NUFIP1: variants seen among roughly 807,000 people sequenced by gnomAD.
The protein encoded by NUFIP1 is nuclear FMR1 interacting protein 1.
NUFIP1 carries 38 observed loss-of-function variants against 56.2 expected under a neutral mutation model. The observed-to-expected ratio is 0.68, with a 90% CI of 0.52 to 0.89. NUFIP1 has a LOEUF of 0.89. Among genes scored for constraint, NUFIP1 ranks in the 40% least tolerant of loss-of-function variants. The pLI, the probability that NUFIP1 is intolerant of heterozygous loss-of-function variation, is 0.00. For missense variants in NUFIP1, 567 were observed against 605.8 expected, an observed-to-expected ratio of 0.94 and a Z score of 0.67; for synonymous variants, 215 against 212.4, an observed-to-expected ratio of 1.01 and a Z score of -0.10.
intron 6 of NUFIP1, among the ~76,000 whole-genome samples, chr13:44,964,045 G>A (rs987993509): frequency 7.9e-5 from 12 of 152,144 alleles, no homozygotes; most frequent in African/African-American, 2.9e-4. Context: ...TAATTCATAT[G>A]TGAAAAAGTT....
At chr13:44,954,015 G>A (rs147763004) in intron 7 of NUFIP1, among the ~76,000 whole-genome samples, 36 of 151,880 alleles carry the variant, frequency 2.4e-4, no homozygotes, top group Admixed American at 8.5e-4. Flanking sequence ...ATCTTAAAAA[G>A]AAAGAAAGAA....
intron 5 of NUFIP1, among the ~76,000 whole-genome samples, chr13:44,978,487 T>A (rs1437024540): frequency 6.6e-6 from 1 of 152,200 alleles, no homozygotes; most frequent in African/African-American, 2.4e-5. Flanking sequence ...GATGAAGTGT[T>A]CTAGTATTTT....
At chr13:44,983,410 C>G (rs1175976868) in intron 1 of NUFIP1, among the ~76,000 whole-genome samples, 3 of 151,906 alleles carry the variant, frequency 2.0e-5, no homozygotes, top group Non-Finnish European at 4.4e-5. Context: ...CTCCTGACCT[C>G]AAGTGATCCA....
Position 44,943,439 on chromosome 13 carries a change from T to A in NUFIP1, c.1371+3A>T. 1 of 1,609,850 alleles carries A rather than the reference T, an allele frequency of 6.2e-7. No homozygotes were observed. Among genetic ancestry groups the A allele is most frequent in the South Asian group, 1.1e-5 (1 of 90,764 alleles). On this transcript the variant is annotated splice_donor_region_variant and intron_variant, in intron 9 of 9. Coordinates refer to ENST00000379161, the MANE Select transcript of NUFIP1 (RefSeq NM_012345.3). ...GATTAGAACCTAAAGAAAAATAATT[T>A]ACCATTTCCAAGAGATATGGATGGT...
At chr13:44,949,492 C>T (rs1242075241) in intron 8 of NUFIP1, among the ~76,000 whole-genome samples, 5 of 152,148 alleles carry the variant, frequency 3.3e-5, no homozygotes, top group African/African-American at 9.7e-5. Context: ...TGAGCCACCG[C>T]GCCCGGCCTA....
chr13:44,985,327 C>CA (rs1227086095), intron 1 of NUFIP1, among the ~76,000 whole-genome samples: 1 of 152,036 alleles, frequency 6.6e-6, no homozygotes, highest in East Asian at 1.9e-4. Context: ...AATTGTTTGG[C>CA]AAAAAAACTT....
chr13:44,943,390 ATCTT>A (rs1870811474), intron 9 of NUFIP1, 48 bp downstream of exon 9: 2 of 1,493,908 alleles, frequency 1.3e-6, no homozygotes, highest in Admixed American at 3.4e-5. Flanking sequence ...CAGTGGCTCT[ATCTT>A]TATGATGTGA....
In NUFIP1 at chr13:44,979,238, T is replaced by C; in HGVS notation, c.686A>G (p.Lys229Arg). 1 of 1,613,642 alleles carries C rather than the reference T, an allele frequency of 6.2e-7. No individual in the cohort carries two copies. Among genetic ancestry groups the C allele is most frequent in the Admixed American group, 1.7e-5 (1 of 59,840 alleles). ...NMHAPGMKKI[K>R]LDTPEEIARW... Reference sequence around the variant, plus strand: ...TGCAATTTCCTCTGGAGTGTCTAACTTGATCTTCTTCATGCCAGGAGCATG... The same window carrying C: ...TGCAATTTCCTCTGGAGTGTCTAACCTGATCTTCTTCATGCCAGGAGCATG... The change falls in exon 5 of 10, where the codon AAG becomes AGG. Residue 229 changes from lysine to arginine, a missense_variant. Lys to Arg is a conservative substitution (Grantham distance 26). Transcript: ENST00000379161.
At position 44,965,858 on chromosome 13, in the gene NUFIP1, T is replaced by C. The variant is rs766954027; in HGVS notation, c.813A>G (p.Thr271=). 22 of 1,596,392 alleles carry C rather than the reference T, an allele frequency of 1.4e-5. No individual in the cohort carries two copies. The East Asian group carries it at 5.0e-4, about 36-fold the overall frequency. The change falls in exon 6 of 10, where the codon ACA becomes ACG. Residue 271 remains threonine (T), a synonymous_variant. Coordinates refer to ENST00000379161, the MANE Select transcript of NUFIP1 (RefSeq NM_012345.3). ...LEKEKRGAVL[T]TTQYGKMKGM... is the part of the protein sequence containing the mutation. The stretch of plus-strand genomic sequence containing the variant: ...AAGGAGCTTACCCATATTGTGTTGT[T>C]GTCAATACTGCTCCTCTCTTCTCCT...
chr13:44,947,074 A>G (rs753287612), intron 8 of NUFIP1, among the ~76,000 whole-genome samples: 45 of 152,188 alleles, frequency 3.0e-4, no homozygotes, highest in Middle Eastern at 3.2e-3. Flanking sequence ...ATCCTTTGTT[A>G]TCTATAAAAG....
chr13:44,966,823 A>C (rs911753511), intron 5 of NUFIP1, among the ~76,000 whole-genome samples: 4 of 151,630 alleles, frequency 2.6e-5, no homozygotes, highest in Non-Finnish European at 5.9e-5. Context: ...AAATACAAAA[A>C]TTAGCCAAGT....
intron 8 of NUFIP1, among the ~76,000 whole-genome samples, chr13:44,944,248 G>T (rs1430197557): frequency 6.6e-6 from 1 of 152,062 alleles, no homozygotes; most frequent in Non-Finnish European, 1.5e-5. Flanking sequence ...GTAAAACAAA[G>T]AAGTCAAAAG....
intron 8 of NUFIP1, among the ~76,000 whole-genome samples, chr13:44,948,085 TTATCTC>T (rs1394696972): frequency 2.0e-5 from 3 of 152,044 alleles, no homozygotes; most frequent in Non-Finnish European, 4.4e-5. Flanking sequence ...TAAACATTGA[TTATCTC>T]TAGCCTAGTC....
At chr13:44,956,247 G>A (rs920112459) in intron 7 of NUFIP1, among the ~76,000 whole-genome samples, 7 of 150,082 alleles carry the variant, frequency 4.7e-5, no homozygotes, top group African/African-American at 1.7e-4. Context: ...CATGGGCCAT[G>A]GTTTGGACAA....
intron 4 of NUFIP1, 132 bp downstream of exon 4, chr13:44,979,758 A>T: frequency 1.7e-6 from 1 of 581,398 alleles, no homozygotes; most frequent in Non-Finnish European, 2.9e-6. Flanking sequence ...AGTTGAATAA[A>T]TGATGTCAAA....
intron 8 of NUFIP1, among the ~76,000 whole-genome samples, chr13:44,948,077 A>AACATTGAT (rs1322224962): frequency 6.6e-6 from 1 of 152,030 alleles, no homozygotes; most frequent in African/African-American, 2.4e-5. Context: ...CAAATACATA[A>AACATTGAT]ACATTGATTA....
chr13:44,959,244 T>C, intron 7 of NUFIP1, 137 bp downstream of exon 7: 1 of 826,432 alleles, frequency 1.2e-6, no homozygotes, highest in South Asian at 1.9e-5. Context: ...ATGCTCCTAT[T>C]AAAAACAAAA....
intron 7 of NUFIP1, among the ~76,000 whole-genome samples, chr13:44,952,285 A>G (rs990253375): frequency 6.6e-6 from 1 of 151,942 alleles, no homozygotes; most frequent in Non-Finnish European, 1.5e-5. Flanking sequence ...CCACCACACC[A>G]GGCTAATTTT....
At chr13:44,970,684 G>GT (rs545996485) in intron 5 of NUFIP1, among the ~76,000 whole-genome samples, 42 of 152,038 alleles carry the variant, frequency 2.8e-4, no homozygotes, top group African/African-American at 9.6e-4. Flanking sequence ...TTTGTTTGTT[G>GT]TTTTTTTATT....
Sources: gnomAD v4.1 joint callset for allele counts (sites outside exome capture counted in the v4.1 genomes callset) on GRCh38, gnomAD v4.1.1 for gene constraint, MANE v1.5 for transcripts, NCBI Gene and HGNC (gene_info 2026-07-23, HGNC 2026-07-21) for gene names.